Variants in MAP4K4 observed in about 807,000 individuals in gnomAD.
MAP4K4 encodes the protein mitogen-activated protein kinase kinase kinase kinase 4.
MAP4K4 carries 38 observed loss-of-function variants against 189.6 expected under a neutral mutation model. That is an observed-to-expected ratio of 0.20 (90% confidence interval 0.15 to 0.26). The LOEUF is 0.26. Among genes scored for constraint, MAP4K4 ranks in the 10% least tolerant of loss-of-function variants. MAP4K4 has a pLI of 1.00. For synonymous variants in MAP4K4, 610 were observed against 624.3 expected (o/e 0.98, Z 0.34); for missense variants, 1,054 against 1,726.9 (o/e 0.61, Z 6.91).
chr2:101,797,160 G>T, intron 3 of MAP4K4: 5 of 1,165,542 alleles, frequency 4.3e-6, no homozygotes, highest in Non-Finnish European at 5.6e-6. Flanking sequence ...TGAATGTGTT[G>T]TTCTTGTCTA....
chr2:101,782,592 C>T (rs1445707882), intron 2 of MAP4K4, among the ~76,000 whole-genome samples: 1 of 152,158 alleles, frequency 6.6e-6, no homozygotes, highest in Non-Finnish European at 1.5e-5. Flanking sequence ...GGAGCCCTCT[C>T]ACGTTAGGCT....
chr2:101,711,219 G>A (rs896331154), intron 2 of MAP4K4, among the ~76,000 whole-genome samples: 5 of 152,196 alleles, frequency 3.3e-5, no homozygotes, highest in Non-Finnish European at 5.9e-5. Context: ...TGGGAACAAT[G>A]GTGTACAGGT....
chr2:101,808,361 G>C (rs187753219), intron 3 of MAP4K4, among the ~76,000 whole-genome samples: 3 of 152,156 alleles, frequency 2.0e-5, no homozygotes, highest in Non-Finnish European at 4.4e-5. Flanking sequence ...TCTTAACACC[G>C]AAGAATTCAT....
chr2:101,704,565 A>ATT (rs1559014076), intron 2 of MAP4K4, among the ~76,000 whole-genome samples: 405 of 40,324 alleles, frequency 0.01, 21 homozygotes, highest in African/African-American at 0.014. Flanking sequence ...ATATATATAT[A>ATT]TATTTTTTTT....
At chr2:101,862,656 C>T (rs2097701125) in intron 16 of MAP4K4, among the ~76,000 whole-genome samples, 1 of 152,188 alleles carries the variant, frequency 6.6e-6, no homozygotes, top group African/African-American at 2.4e-5. Flanking sequence ...ATTTCCTCCT[C>T]CTGTTCATTC....
intron 2 of MAP4K4, among the ~76,000 whole-genome samples, chr2:101,729,180 T>G (rs2057264575): frequency 6.6e-6 from 1 of 151,668 alleles, no homozygotes; most frequent in Non-Finnish European, 1.5e-5. Flanking sequence ...AGGCCTTCCC[T>G]GGAAATCTGC....
intron 13 of MAP4K4, 111 bp from the exon 14 acceptor site, chr2:101,858,885 G>A: frequency 1.4e-6 from 1 of 720,226 alleles, no homozygotes; most frequent in Non-Finnish European, 2.4e-6. Flanking sequence ...TTACCACTAA[G>A]TGAATTGTCA....
At position 101,713,921 on chromosome 2, in the gene MAP4K4, A is replaced by G. The variant is rs538670369; in HGVS notation, c.123+15383A>G. On this transcript the variant is annotated intron_variant, in intron 2 of 32. Coordinates refer to ENST00000324219, the Ensembl canonical transcript of MAP4K4. ...AAAAAAAATTTTCTAATTTCCCATCATCTGATCCTACCAAAAATAACAAAT... is the reference window on the plus strand; with the variant it reads ...AAAAAAAATTTTCTAATTTCCCATCGTCTGATCCTACCAAAAATAACAAAT... Among the ~76,000 whole-genome samples the G allele has an allele frequency of 2.6e-5, 4 of 152,262 alleles. No individual in the cohort carries two copies. In the South Asian group the frequency reaches 8.3e-4, roughly 32 times the overall value.
intron 2 of MAP4K4, among the ~76,000 whole-genome samples, chr2:101,759,229 C>T (rs979062403): frequency 6.6e-6 from 1 of 151,534 alleles, no homozygotes; most frequent in Non-Finnish European, 1.5e-5. Context: ...TTAGGCTTTT[C>T]TCTCTGTGAA....
At chr2:101,797,840 GT>G (rs1172505993) in intron 3 of MAP4K4, among the ~76,000 whole-genome samples, 7 of 103,062 alleles carry the variant, frequency 6.8e-5, no homozygotes, top group Admixed American at 3.0e-4. Context: ...TCAACCTTCC[GT>G]TTTTTTGACT....
chr2:101,818,563 T>C (rs1285719289), intron 3 of MAP4K4, among the ~76,000 whole-genome samples: 2 of 152,190 alleles, frequency 1.3e-5, no homozygotes, highest in Non-Finnish European at 2.9e-5. Flanking sequence ...GGAAAAAATT[T>C]AGGTAACAAG....
At chr2:101,705,459 T>A (rs1291804484) in intron 2 of MAP4K4, among the ~76,000 whole-genome samples, 1 of 152,184 alleles carries the variant, frequency 6.6e-6, no homozygotes, top group African/African-American at 2.4e-5. Flanking sequence ...CTGCAATGTG[T>A]TCATTTTAAG....
chr2:101,741,260 T>C (rs879244148), intron 2 of MAP4K4, among the ~76,000 whole-genome samples: 10 of 150,232 alleles, frequency 6.7e-5, no homozygotes, highest in Non-Finnish European at 1.2e-4. Context: ...CTCCGCCTCC[T>C]GGGTTCACGC....
At chr2:101,852,060 C>A (rs1482592107) in intron 12 of MAP4K4, among the ~76,000 whole-genome samples, 1 of 151,368 alleles carries the variant, frequency 6.6e-6, no homozygotes, top group Non-Finnish European at 1.5e-5. Flanking sequence ...CTTGAGAGCT[C>A]TAATTTGAGT....
At chr2:101,757,478 C>G (rs1280924696) in intron 2 of MAP4K4, among the ~76,000 whole-genome samples, 2 of 152,138 alleles carry the variant, frequency 1.3e-5, no homozygotes, top group Non-Finnish European at 2.9e-5. Flanking sequence ...GAACCCAGAT[C>G]ACATTTTAAA....
intron 2 of MAP4K4, among the ~76,000 whole-genome samples, chr2:101,701,923 T>C (rs2039034072): frequency 6.6e-6 from 1 of 152,216 alleles, no homozygotes; most frequent in South Asian, 2.1e-4. Flanking sequence ...TGGAGTGCAG[T>C]GGCACCATCT....
Position 101,887,765 on chromosome 2 carries a change from TC to T in MAP4K4, c.3772-11del, listed in dbSNP as rs1559348385. 1 of 1,599,214 alleles carries T rather than the reference TC, an allele frequency of 6.3e-7. No individual in the cohort carries two copies. Reference sequence around the variant, plus strand: ...ACAGACGTTCTTCCCTGTACTTTGTTCCTGTTCTCTAGATCCAGTGTAGCAT... The same window carrying T: ...ACAGACGTTCTTCCCTGTACTTTGTTCTGTTCTCTAGATCCAGTGTAGCAT... On this transcript the variant is annotated splice_polypyrimidine_tract_variant and intron_variant, in intron 30 of 32. Transcript: ENST00000324219.
At chr2:101,707,374 A>G (rs1397023298) in intron 2 of MAP4K4, among the ~76,000 whole-genome samples, 1 of 151,968 alleles carries the variant, frequency 6.6e-6, no homozygotes, top group African/African-American at 2.4e-5. Context: ...ATGCTCGGCT[A>G]ATATTTGTAC....
At chr2:101,853,011 A>G (rs1257094734) in intron 12 of MAP4K4, among the ~76,000 whole-genome samples, 4 of 152,258 alleles carry the variant, frequency 2.6e-5, no homozygotes, top group Non-Finnish European at 5.9e-5. Flanking sequence ...CCTTTCCTCA[A>G]CCCCGTAGGA....
Sources: allele counts gnomAD v4.1 joint callset (sites outside exome capture counted in the v4.1 genomes callset), GRCh38; gene constraint gnomAD v4.1.1; transcripts MANE v1.5; gene names NCBI Gene and HGNC (gene_info 2026-07-23, HGNC 2026-07-21).